Variants in ARPC2 observed in about 807,000 individuals in gnomAD.
The protein encoded by ARPC2 is actin related protein 2/3 complex subunit 2.
In ARPC2, 4 loss-of-function variants were observed where a neutral mutation model predicts 38.6. That is an observed-to-expected ratio of 0.10 (90% CI 0.05 to 0.24). ARPC2 has a LOEUF of 0.24. ARPC2 is among the 10% of genes least tolerant of loss of function. ARPC2 has a pLI of 1.00. For missense variants in ARPC2, 229 were observed against 387.3 expected (o/e 0.59, Z 3.43); for synonymous variants, 125 against 140.8 (o/e 0.89, Z 0.79).
At chr2:218,229,345 T>G (rs1287873171) in intron 4 of ARPC2, 3 of 152,590 alleles carry the variant, frequency 2.0e-5, no homozygotes, top group African/African-American at 2.4e-5. Flanking sequence ...CCAGACATTA[T>G]GAAACTTCGG....
intron 8 of ARPC2, among the ~76,000 whole-genome samples, chr2:218,247,130 A>C (rs1402897477): frequency 1.3e-5 from 2 of 152,166 alleles, no homozygotes; most frequent in Non-Finnish European, 2.9e-5. Flanking sequence ...ATCTCACCAA[A>C]AAAAGGAGTT....
chr2:218,249,368 G>A lies in ARPC2; in HGVS notation c.681G>A (p.Leu227=), dbSNP rs1423827737. The A allele has an allele frequency of 6.2e-7, 1 of 1,611,684 alleles. No individual in the cohort carries two copies. Among genetic ancestry groups the A allele is most frequent in the Non-Finnish European group, 8.5e-7 (1 of 1,178,754 alleles). ...GTTTGTGTCTTCCGCCTTCAGTGCT[G>A]TTCCCTCGTCACACCAATGCCAGTG... ...GDNIGYITFV[L]FPRHTNASAR... is the part of the protein sequence containing the mutation. The change falls in exon 9 of 11, where the codon CTG becomes CTA. Residue 227 remains leucine, a synonymous_variant. Transcript: ENST00000315717.
chr2:218,239,076 C>G, intron 6 of ARPC2: 1 of 564,908 alleles, frequency 1.8e-6, no homozygotes, highest in Non-Finnish European at 3.1e-6. Flanking sequence ...CCAGTGCTTT[C>G]CTTTAAGGCA....
chr2:218,251,811 A>C (rs1240550377), intron 10 of ARPC2, among the ~76,000 whole-genome samples: 2 of 151,852 alleles, frequency 1.3e-5, no homozygotes, highest in African/African-American at 4.8e-5. Context: ...AGGGCTTTAC[A>C]CTCTCTCTCT....
intron 6 of ARPC2, 96 bp from the exon 7 acceptor site, chr2:218,239,295 T>C: frequency 2.4e-6 from 2 of 849,420 alleles, no homozygotes; most frequent in South Asian, 3.1e-5. Context: ...TTTAAGAGAT[T>C]TATGACTTTA....
chr2:218,253,780 C>T (rs1229636774), intron 10 of ARPC2, 111 bp from the exon 11 acceptor site: 3 of 1,373,962 alleles, frequency 2.2e-6, no homozygotes, highest in South Asian at 1.5e-5. Flanking sequence ...GAATCTAGCC[C>T]TTTCCACCTC....
chr2:218,218,309 C>T (rs1185358271), intron 2 of ARPC2, among the ~76,000 whole-genome samples: 1 of 152,134 alleles, frequency 6.6e-6, no homozygotes, highest in African/African-American at 2.4e-5. Context: ...CTGTGGTAGC[C>T]CTGGCCCAGT....
At chr2:218,230,832 A>G (rs559298746) in intron 4 of ARPC2, among the ~76,000 whole-genome samples, 1 of 152,206 alleles carries the variant, frequency 6.6e-6, no homozygotes, top group East Asian at 1.9e-4. Flanking sequence ...AGCCTGGACG[A>G]CATAGTGAGA....
At chr2:218,252,320 A>C (rs1690211558) in intron 10 of ARPC2, among the ~76,000 whole-genome samples, 2 of 152,204 alleles carry the variant, frequency 1.3e-5, no homozygotes, top group Non-Finnish European at 2.9e-5. Flanking sequence ...CATGCAATGA[A>C]ATGGCAGCAT....
intron 6 of ARPC2, 188 bp from the exon 7 acceptor site, chr2:218,239,203 T>C: frequency 1.7e-6 from 1 of 590,424 alleles, no homozygotes; most frequent in South Asian, 2.2e-5. Context: ...TTCCATCTGC[T>C]GCCTCTCTTA....
In ARPC2 at chr2:218,222,893, C is replaced by G. The variant is rs547583573; in HGVS notation, c.75-3027C>G. Among the ~76,000 whole-genome samples, 7 of 152,270 alleles carry G rather than the reference C, an allele frequency of 4.6e-5. No individual in the cohort carries two copies. In the East Asian group the frequency reaches 1.3e-3, roughly 29 times the overall value. The stretch of plus-strand genomic sequence containing the variant: ...ATTAAGTAAGCACCGTGCAGGCATC[C>G]TTCACTGTGATTCTTGACCTTGTTT... On this transcript the variant is annotated intron_variant, in intron 2 of 10. Transcript: ENST00000315717.
rs1690010648 is a variant in ARPC2, at chr2:218,245,508, A to T, written c.638A>T (p.Asp213Val). The change falls in exon 8 of 11, where the codon GAC (aspartate) becomes GTC (valine). Residue 213 changes from aspartate (D) to valine (V), a missense_variant. Physicochemically the swap from Asp to Val is radical, Grantham distance 152. This residue lies in a region of ARPC2 where 92 missense variants were observed against 152.3 expected (regional missense o/e 0.60). Coordinates refer to ENST00000315717, the MANE Select transcript of ARPC2 (RefSeq NM_152862.3). ...CCTCCTCTGGAGCTGAAAGACACAG[A>T]CGCCGCTGTGGGTGACAACATTGGC... is the stretch of plus-strand genomic sequence containing the variant. ...REPPLELKDT[D>V]AAVGDNIGYI... is the part of the protein sequence containing the mutation. 6.2e-7 allele frequency: 1 copy of T among 1,614,042 alleles called. No individual in the cohort carries two copies. The highest frequency in any genetic ancestry group is 1.3e-5 in the African/African-American group (1 of 74,916).
At chr2:218,217,566 G>A (rs751421492) in intron 2 of ARPC2, 22 bp downstream of exon 2, 1 of 1,599,030 alleles carries the variant, frequency 6.3e-7, no homozygotes, top group South Asian at 1.1e-5. Context: ...CCCGGGGCCG[G>A]GGGTGGCGGG....
chr2:218,243,532 C>T (rs910001469), intron 7 of ARPC2, among the ~76,000 whole-genome samples: 1 of 152,204 alleles, frequency 6.6e-6, no homozygotes, highest in African/African-American at 2.4e-5. Context: ...AATCCCAGCA[C>T]TTTGCGGGGC....
intron 4 of ARPC2, among the ~76,000 whole-genome samples, chr2:218,231,630 C>T (rs1162166939): frequency 6.6e-6 from 1 of 152,142 alleles, no homozygotes; most frequent in Non-Finnish European, 1.5e-5. Context: ...TGACCTTGAG[C>T]CCCTCCTCTC....
chr2:218,252,219 A>G (rs1315713892), intron 10 of ARPC2, among the ~76,000 whole-genome samples: 2 of 152,030 alleles, frequency 1.3e-5, no homozygotes, highest in South Asian at 4.2e-4. Context: ...GCGAAACTCC[A>G]TCTCAAAAAA....
At chr2:218,239,843 G>C (rs1046591103) in intron 7 of ARPC2, among the ~76,000 whole-genome samples, 3 of 151,846 alleles carry the variant, frequency 2.0e-5, no homozygotes, top group Non-Finnish European at 4.4e-5. Flanking sequence ...TGCCCATCTC[G>C]GCCTCCCAAA....
chr2:218,234,499 A>G (rs1166432461), intron 5 of ARPC2, 102 bp downstream of exon 5: 1 of 986,738 alleles, frequency 1.0e-6, no homozygotes, highest in Non-Finnish European at 1.5e-6. Flanking sequence ...ATATTATTAC[A>G]AATATTTCTG....
chr2:218,239,182 C>T, intron 6 of ARPC2: 1 of 585,772 alleles, frequency 1.7e-6, no homozygotes, highest in Non-Finnish European at 3.0e-6. Context: ...ATAAAATCTA[C>T]TTCTGATAAT....
Sources: allele counts gnomAD v4.1 joint callset (sites outside exome capture counted in the v4.1 genomes callset), GRCh38; gene constraint gnomAD v4.1.1; regional missense constraint gnomAD v4.1.1; transcripts MANE v1.5; gene names NCBI Gene and HGNC (gene_info 2026-07-23, HGNC 2026-07-21).